CAMK1D: variants seen among roughly 807,000 people sequenced by gnomAD.
CAMK1D encodes the protein calcium/calmodulin-dependent protein kinase type 1D.
A neutral mutation model predicts 47.7 loss-of-function variants in CAMK1D; 9 were observed. The observed-to-expected ratio is 0.19, with a 90% CI of 0.11 to 0.33. The LOEUF (loss-of-function observed/expected upper bound fraction) is 0.33, where lower values mean the gene tolerates loss of function less well. Among genes scored for constraint, CAMK1D ranks in the 10% least tolerant of loss-of-function variants. The pLI is 1.00. For synonymous variants in CAMK1D, 184 were observed against 184.9 expected (o/e 0.99, Z 0.04); for missense variants, 291 against 488.7 (o/e 0.60, Z 3.81).
chr10:12,534,405 C>A (rs185750942), intron 1 of CAMK1D, among the ~76,000 whole-genome samples: 4 of 152,296 alleles, frequency 2.6e-5, no homozygotes, highest in Admixed American at 2.0e-4. Context: ...CTTGCTCTGT[C>A]GCCCAGGCTG....
intron 2 of CAMK1D, among the ~76,000 whole-genome samples, chr10:12,569,710 G>A (rs1180943604): frequency 6.7e-5 from 7 of 104,718 alleles, no homozygotes; most frequent in East Asian, 5.7e-4. Flanking sequence ...GTGACAGAAC[G>A]AGACTCCGTC....
intron 1 of CAMK1D, among the ~76,000 whole-genome samples, chr10:12,545,583 C>T (rs945146769): frequency 5.3e-5 from 8 of 151,494 alleles, no homozygotes; most frequent in Admixed American, 1.3e-4. Context: ...GGGCGGATCA[C>T]GAGGTCAGGA....
chr10:12,703,294 C>T (rs1833595519), intron 3 of CAMK1D, among the ~76,000 whole-genome samples: 1 of 152,220 alleles, frequency 6.6e-6, no homozygotes, highest in Admixed American at 6.5e-5. Context: ...CCTACACACT[C>T]AACCACAGAA....
chr10:12,573,093 A>G (rs1837376576), intron 2 of CAMK1D, among the ~76,000 whole-genome samples: 1 of 152,226 alleles, frequency 6.6e-6, no homozygotes, highest in African/African-American at 2.4e-5. Context: ...GAAAGGCAAG[A>G]CATGGTGCTG....
chr10:12,613,455 CT>C (rs1366669236), intron 2 of CAMK1D, among the ~76,000 whole-genome samples: 1 of 152,210 alleles, frequency 6.6e-6, no homozygotes, highest in Non-Finnish European at 1.5e-5. Context: ...AAACTACAAA[CT>C]TTTTCTGTTT....
At chr10:12,745,934 C>A (rs1219395472) in intron 3 of CAMK1D, among the ~76,000 whole-genome samples, 1 of 152,116 alleles carries the variant, frequency 6.6e-6, no homozygotes, top group Non-Finnish European at 1.5e-5. Flanking sequence ...TTCCAGAATA[C>A]CACAACTCAA....
At chr10:12,549,218 C>T (rs34533532) in intron 1 of CAMK1D, among the ~76,000 whole-genome samples, 13,674 of 152,230 alleles carry the variant, frequency 0.09, 899 homozygotes, top group Admixed American at 0.2. Flanking sequence ...CTCCCCATTG[C>T]CTTCTCCCCC....
intron 1 of CAMK1D, among the ~76,000 whole-genome samples, chr10:12,547,526 T>C (rs1312689994): frequency 6.6e-6 from 1 of 152,194 alleles, no homozygotes; most frequent in Non-Finnish European, 1.5e-5. Context: ...ACTTTGTCAC[T>C]CTGTCCCTGC....
At chr10:12,429,766 C>T (rs115551231) in intron 1 of CAMK1D, among the ~76,000 whole-genome samples, 24 of 152,324 alleles carry the variant, frequency 1.6e-4, no homozygotes, top group African/African-American at 5.5e-4. Context: ...GTGGGTGTGA[C>T]TGAGACCACC....
chr10:12,704,997 C>T (rs1043222605), intron 3 of CAMK1D, among the ~76,000 whole-genome samples: 1 of 152,120 alleles, frequency 6.6e-6, no homozygotes, highest in African/African-American at 2.4e-5. Flanking sequence ...GTCTAGTGTT[C>T]CTTCTCTGTA....
chr10:12,806,719 T>G (rs10906226), intron 6 of CAMK1D, among the ~76,000 whole-genome samples: 71,766 of 152,060 alleles, frequency 0.47, 18,733 homozygotes, highest in East Asian at 0.69. Context: ...TGTAATCAGC[T>G]AGGTGATTTT....
intron 1 of CAMK1D, among the ~76,000 whole-genome samples, chr10:12,492,347 CAAAA>C (rs71384332): frequency 4.5e-5 from 5 of 110,422 alleles, no homozygotes; most frequent in Non-Finnish European, 7.4e-5. Context: ...CACCTCATCT[CAAAA>C]AAAAAAAAAA....
At chr10:12,764,030 G>T (rs959796896) in intron 4 of CAMK1D, among the ~76,000 whole-genome samples, 1 of 152,054 alleles carries the variant, frequency 6.6e-6, no homozygotes, top group South Asian at 2.1e-4. Context: ...CTCCCCCACC[G>T]TCTTCCCTCC....
intron 7 of CAMK1D, 87 bp downstream of exon 7, chr10:12,814,394 T>TG: frequency 9.9e-6 from 8 of 804,694 alleles, no homozygotes; most frequent in South Asian, 8.8e-5. Flanking sequence ...CAGGGGACCC[T>TG]GGGGGGCTCA....
intron 2 of CAMK1D, among the ~76,000 whole-genome samples, chr10:12,652,500 A>ATGG (rs1474386333): frequency 4.0e-5 from 6 of 151,648 alleles, no homozygotes; most frequent in Non-Finnish European, 8.8e-5. Context: ...AGGCAGGGGA[A>ATGG]TGGTGTGACC....
chr10:12,381,782 A>G (rs1838355540), intron 1 of CAMK1D, among the ~76,000 whole-genome samples: 1 of 152,144 alleles, frequency 6.6e-6, no homozygotes, highest in Non-Finnish European at 1.5e-5. Context: ...ATGATCCCAG[A>G]TGTGCCAATT....
chr10:12,407,276 A>G (rs1839471066), intron 1 of CAMK1D, among the ~76,000 whole-genome samples: 1 of 152,238 alleles, frequency 6.6e-6, no homozygotes, highest in Non-Finnish European at 1.5e-5. Context: ...TCAGTTGCCC[A>G]TGGGATCCTG....
At chr10:12,698,362 G>T (rs1833377934) in intron 3 of CAMK1D, among the ~76,000 whole-genome samples, 1 of 152,126 alleles carries the variant, frequency 6.6e-6, no homozygotes, top group African/African-American at 2.4e-5. Flanking sequence ...CAGCCTCTGA[G>T]AACACATTTT....
chr10:12,665,672 A>G (rs1840406004), intron 2 of CAMK1D, among the ~76,000 whole-genome samples: 1 of 152,232 alleles, frequency 6.6e-6, no homozygotes, highest in Admixed American at 6.5e-5. Context: ...GCTTTAAATA[A>G]TGTCAAGCCT....
Sources: gnomAD v4.1 joint callset for allele counts (sites outside exome capture counted in the v4.1 genomes callset) on GRCh38, gnomAD v4.1.1 for gene constraint, MANE v1.5 for transcripts, NCBI Gene and HGNC (gene_info 2026-07-23, HGNC 2026-07-21) for gene names.